NDUFV2: variants seen among roughly 807,000 people sequenced by gnomAD.
NDUFV2 encodes the protein NADH dehydrogenase [ubiquinone] flavoprotein 2, mitochondrial.
NDUFV2 carries 18 observed loss-of-function variants against 31.6 expected under a neutral mutation model. That is an observed-to-expected ratio of 0.57 (90% CI 0.39 to 0.84). NDUFV2 has a LOEUF of 0.84. NDUFV2 is among the 40% of genes least tolerant of loss of function. The probability of loss-of-function intolerance (pLI) is 0.00; values close to 1 mark genes in which losing one functional copy is unlikely to be tolerated. For missense variants in NDUFV2, 314 were observed against 303.6 expected, an observed-to-expected ratio of 1.03 and a Z score of -0.26; for synonymous variants, 83 against 99.8, an observed-to-expected ratio of 0.83 and a Z score of 1.01.
chr18:9,134,021 A>C lies in NDUFV2; in HGVS notation c.657-165A>C, dbSNP rs189486118. ...ATGTTTTTCCATATTTAAATTTAGG[A>C]AGAGAAAATCTTGCATCAGTTGAAA... On this transcript the variant is annotated intron_variant, in intron 7 of 7. Transcript: ENST00000318388. Among the ~76,000 whole-genome samples, 370 of 152,308 alleles carry C rather than the reference A, an allele frequency of 2.4e-3. 1 individual carries two copies. Among genetic ancestry groups the C allele is most frequent in the Non-Finnish European group, 4.4e-3 (298 of 68,024 alleles).
At chr18:9,128,693 A>G (rs2078013758) in intron 7 of NDUFV2, among the ~76,000 whole-genome samples, 1 of 152,214 alleles carries the variant, frequency 6.6e-6, no homozygotes, top group South Asian at 2.1e-4. Flanking sequence ...CAAAAAGTAC[A>G]AATTTCATAA....
At chr18:9,115,220 T>C (rs1446551775) in intron 1 of NDUFV2, among the ~76,000 whole-genome samples, 2 of 152,210 alleles carry the variant, frequency 1.3e-5, no homozygotes, top group Non-Finnish European at 2.9e-5. Flanking sequence ...ATTAACATCG[T>C]AATAAGAGAT....
intron 1 of NDUFV2, among the ~76,000 whole-genome samples, chr18:9,106,907 G>GGC (rs2077844567): frequency 1.6e-5 from 1 of 61,340 alleles, no homozygotes; most frequent in Non-Finnish European, 4.5e-5. Flanking sequence ...ACATCACTTC[G>GGC]ACCCTCCTGG....
chr18:9,105,731 T>A (rs1251918479), intron 1 of NDUFV2, among the ~76,000 whole-genome samples: 1 of 152,218 alleles, frequency 6.6e-6, no homozygotes, highest in Non-Finnish European at 1.5e-5. Flanking sequence ...GCATGCTGAA[T>A]ACTTATCATT....
chr18:9,133,412 TGACA>T (rs1019476696), intron 7 of NDUFV2: 2 of 152,430 alleles, frequency 1.3e-5, no homozygotes, highest in East Asian at 1.9e-4. Flanking sequence ...TGTGTGGGGT[TGACA>T]GACAGGTTCT....
chr18:9,117,718 T>A lies in NDUFV2; in HGVS notation c.55-120T>A, dbSNP rs534997338. The A allele has an allele frequency of 5.9e-6, 4 of 672,522 alleles. No homozygotes were observed. The East Asian group carries it at 8.3e-5, about 14-fold the overall frequency. The allele number at this position is 672,522 out of a possible 1,614,324, so 41.7% of individuals were successfully genotyped here. A position where few individuals can be genotyped will look rare whatever the true frequency, so the allele number is the denominator to read the frequency against. On this transcript the variant is annotated intron_variant, in intron 1 of 7. Transcript: ENST00000318388. ...AGATGGATAGGGTAGAATACCATAT[T>A]TCTTAAGATCTTTTATAAGTTGATT...
At chr18:9,116,174 A>G (rs1329076482) in intron 1 of NDUFV2, among the ~76,000 whole-genome samples, 1 of 152,182 alleles carries the variant, frequency 6.6e-6, no homozygotes, top group Non-Finnish European at 1.5e-5. Flanking sequence ...TTTAAGACTC[A>G]TCACTGTCAA....
chr18:9,104,756 A>C (rs2077833127), intron 1 of NDUFV2, among the ~76,000 whole-genome samples: 1 of 148,784 alleles, frequency 6.7e-6, no homozygotes, highest in South Asian at 2.1e-4. Flanking sequence ...AGTACCTGAT[A>C]TGCACTATGT....
In NDUFV2 at chr18:9,126,410, C is replaced by T. The variant is rs552661139; in HGVS notation, c.580-421C>T. The stretch of plus-strand genomic sequence containing the variant: ...ACTTGGGGAGGCTGGGTAACTTGTC[C>T]AAGATTACTAGCTAGTAAGTGATAG... On this transcript the variant is annotated intron_variant, in intron 6 of 7. Transcript: ENST00000318388. Among the ~76,000 whole-genome samples the T allele has an allele frequency of 1.7e-4, 26 of 152,204 alleles. No homozygotes were observed. The South Asian group carries it at 5.4e-3, about 32-fold the overall frequency.
chr18:9,127,113 AGAG>A (rs1395145522), intron 7 of NDUFV2, among the ~76,000 whole-genome samples: 1 of 152,226 alleles, frequency 6.6e-6, no homozygotes, highest in Non-Finnish European at 1.5e-5. Flanking sequence ...GAATATTTAT[AGAG>A]AAGGAAATTT....
intron 2 of NDUFV2, among the ~76,000 whole-genome samples, chr18:9,118,827 T>G (rs1388994438): frequency 1.3e-5 from 2 of 148,690 alleles, no homozygotes; most frequent in Non-Finnish European, 3.0e-5. Context: ...TTTTTTTTTT[T>G]TTTTTTTTTT....
At chr18:9,111,471 C>T (rs1356383782) in intron 1 of NDUFV2, among the ~76,000 whole-genome samples, 1 of 151,606 alleles carries the variant, frequency 6.6e-6, no homozygotes, top group African/African-American at 2.4e-5. Flanking sequence ...CTCTGTTGCC[C>T]AGGCTGGAGT....
chr18:9,122,375 A>G, intron 4 of NDUFV2, 138 bp from the exon 5 acceptor site: 2 of 740,836 alleles, frequency 2.7e-6, no homozygotes, highest in South Asian at 3.4e-5. Flanking sequence ...ATCCAAGACA[A>G]GTATGTTTTC....
chr18:9,133,176 A>G (rs1344826803), intron 7 of NDUFV2, among the ~76,000 whole-genome samples: 2 of 152,226 alleles, frequency 1.3e-5, no homozygotes, highest in Admixed American at 6.5e-5. Context: ...CTAGGGCTCT[A>G]AAGAACAGAC....
intron 1 of NDUFV2, chr18:9,104,300 G>A: frequency 6.2e-7 from 1 of 1,609,860 alleles, no homozygotes; most frequent in Non-Finnish European, 8.5e-7. Context: ...CCATACTAAA[G>A]AATTTGATTT....
Position 9,122,903 on chromosome 18 carries a change from A to G in NDUFV2, c.469+222A>G, listed in dbSNP as rs1165705534. 2.0e-5 allele frequency among the ~76,000 whole-genome samples: 3 copies of G among 152,028 alleles called. 1 individual carries two copies. The highest frequency in any genetic ancestry group is 4.1e-4 in the South Asian group (2 of 4,832). On this transcript the variant is annotated intron_variant, in intron 5 of 7. Transcript: ENST00000318388. ...TGAGTTTTTAATTTTTTCTTTTTTAATCAGTATGTTTGAAATGCTTGTAGA... is the reference window on the plus strand; with the variant it reads ...TGAGTTTTTAATTTTTTCTTTTTTAGTCAGTATGTTTGAAATGCTTGTAGA...
At chr18:9,116,953 T>C (rs1568189797) in intron 1 of NDUFV2, among the ~76,000 whole-genome samples, 1 of 151,716 alleles carries the variant, frequency 6.6e-6, no homozygotes, top group African/African-American at 2.4e-5. Flanking sequence ...AGAAATGAAA[T>C]GCAGCTGAGA....
At chr18:9,118,377 GGATAA>G (rs1428930078) in intron 2 of NDUFV2, among the ~76,000 whole-genome samples, 1 of 151,998 alleles carries the variant, frequency 6.6e-6, no homozygotes, top group Non-Finnish European at 1.5e-5. Flanking sequence ...AATTTGGAAA[GGATAA>G]GATATTATAT....
At position 9,119,482 on chromosome 18, in the gene NDUFV2, G is replaced by A. The variant is rs761235301; in HGVS notation, c.192G>A (p.Glu64=). The part of the protein sequence containing the change: ...DFTPENYKRI[E]AIVKNYPEGH... ...TTCTTTCTTTTATACAGAGGATAGA[G>A]GCAATTGTAAAAAACTATCCAGAAG... Residue 64 remains glutamate (E), a synonymous_variant, in exon 4 of 8, where the codon GAG becomes GAA. Coordinates refer to ENST00000318388, the MANE Select transcript of NDUFV2 (RefSeq NM_021074.5). 38 of 1,613,222 alleles carry A rather than the reference G, an allele frequency of 2.4e-5. No individual in the cohort carries two copies. The highest frequency in any genetic ancestry group is 2.6e-5 in the Non-Finnish European group (31 of 1,179,450).
Sources: gnomAD v4.1 joint callset for allele counts (sites outside exome capture counted in the v4.1 genomes callset) on GRCh38, gnomAD v4.1.1 for gene constraint, MANE v1.5 for transcripts, NCBI Gene and HGNC (gene_info 2026-07-23, HGNC 2026-07-21) for gene names.